The following TTC7A variants were observed in gnomAD, a reference collection of about 807,000 sequenced individuals.
TTC7A encodes the protein tetratricopeptide repeat domain 7A.
Under a neutral mutation model 103.7 loss-of-function variants are expected in TTC7A, and 110 were observed. That is an observed-to-expected ratio of 1.06 (90% CI 0.91 to 1.24). The LOEUF is 1.24. Among genes scored for constraint, TTC7A ranks in the 50% most tolerant of loss-of-function variants. The pLI, the probability that TTC7A is intolerant of heterozygous loss-of-function variation, is 0.00. For missense variants in TTC7A, 1,340 were observed against 1,116.3 expected, an observed-to-expected ratio of 1.20 and a Z score of -2.86; for synonymous variants, 521 against 467.9, an observed-to-expected ratio of 1.11 and a Z score of -1.47.
intron 18 of TTC7A, chr2:47,053,948 A>G (rs1436394699): frequency 5.6e-6 from 1 of 177,760 alleles, no homozygotes; most frequent in Non-Finnish European, 1.1e-5. Context: ...GCTTTATACT[A>G]GGGATGTTAG....
intron 11 of TTC7A, among the ~76,000 whole-genome samples, chr2:47,015,824 A>G (rs1678592126): frequency 6.6e-6 from 1 of 152,188 alleles, no homozygotes; most frequent in Non-Finnish European, 1.5e-5. Context: ...GGGAGAAAGA[A>G]TGCCAGCCCT....
intron 3 of TTC7A, among the ~76,000 whole-genome samples, chr2:46,973,364 G>A (rs1673542766): frequency 6.6e-6 from 1 of 152,224 alleles, no homozygotes; most frequent in Admixed American, 6.5e-5. Flanking sequence ...AAAGTAGAGT[G>A]GCAGAAGAGG....
chr2:46,963,177 G>T (rs974928628), intron 3 of TTC7A, among the ~76,000 whole-genome samples: 1 of 152,202 alleles, frequency 6.6e-6, no homozygotes, highest in African/African-American at 2.4e-5. Context: ...AATAGAATCT[G>T]GTCCCCCTGT....
intron 3 of TTC7A, among the ~76,000 whole-genome samples, chr2:46,965,096 C>T (rs1412255841): frequency 2.6e-5 from 4 of 152,204 alleles, no homozygotes; most frequent in Non-Finnish European, 1.5e-5. Flanking sequence ...GAAATGCCCT[C>T]AGCAGCCAGA....
At chr2:47,023,050 C>T (rs996305127) in intron 12 of TTC7A, among the ~76,000 whole-genome samples, 1 of 152,216 alleles carries the variant, frequency 6.6e-6, no homozygotes, top group Admixed American at 6.5e-5. Flanking sequence ...GTTCAAACTT[C>T]CTAGTGGGTC....
At chr2:46,942,572 G>T (rs72886689) in intron 1 of TTC7A, among the ~76,000 whole-genome samples, 12,061 of 152,208 alleles carry the variant, frequency 0.079, 850 homozygotes, top group African/African-American at 0.19. Context: ...CGCTTACTTC[G>T]TGCTTCCTGT....
intron 10 of TTC7A, among the ~76,000 whole-genome samples, chr2:47,009,149 G>A (rs1446001762): frequency 1.3e-5 from 2 of 152,130 alleles, no homozygotes; most frequent in African/African-American, 4.8e-5. Context: ...TGTTCCCAGG[G>A]CAGGGCCTCA....
intron 15 of TTC7A, among the ~76,000 whole-genome samples, chr2:47,036,872 T>A (rs1681167764): frequency 6.6e-6 from 1 of 152,146 alleles, no homozygotes; most frequent in Non-Finnish European, 1.5e-5. Context: ...CCTGAGCATG[T>A]GTTGGATTTA....
chr2:47,060,884 G>C lies in TTC7A; in HGVS notation c.2268G>C (p.Glu756Asp). The C allele has an allele frequency of 1.2e-6, 2 of 1,614,204 alleles. No individual in the cohort carries two copies. The highest frequency in any genetic ancestry group is 8.5e-7 in the Non-Finnish European group (1 of 1,180,020). The change falls in exon 19 of 20, where the codon GAG becomes GAC. Residue 756 changes from glutamate to aspartate, a missense_variant. Glu to Asp is a conservative substitution (Grantham distance 45). Transcript: ENST00000319190. ...TCTATATGCGGGGCCGGCTGGCTGA[G>C]GTGAAGGGCAACCTGGAGGAGGCCA... ...SVLYMRGRLA[E>D]VKGNLEEAKQ...
At chr2:46,945,717 C>A (rs1441872556) in intron 1 of TTC7A, among the ~76,000 whole-genome samples, 1 of 149,362 alleles carries the variant, frequency 6.7e-6, no homozygotes, top group Non-Finnish European at 1.5e-5. Context: ...TCTGTAGTCA[C>A]CCTCCCCGCC....
rs545019572 is a variant in TTC7A at position 47,073,990 on chromosome 2, G to A, written c.*67G>A. ...GAGGCAGCAGGGAACGTGGGTCAGG[G>A]TGGGGCAACAGTGGCATCAGGTGCG... On this transcript the variant is annotated 3_prime_UTR_variant, in exon 20 of 20. Coordinates refer to ENST00000319190, the MANE Select transcript of TTC7A (RefSeq NM_020458.4). 5.2e-5 allele frequency: 71 copies of A among 1,354,962 alleles called. No homozygotes were observed. The Middle Eastern group carries it at 7.6e-4, about 15-fold the overall frequency. The allele number at this position is 1,354,962 out of a possible 1,614,324, so 83.9% of individuals were successfully genotyped here.
chr2:46,946,788 CT>C (rs1192496409), intron 1 of TTC7A, among the ~76,000 whole-genome samples: 1 of 142,850 alleles, frequency 7.0e-6, no homozygotes, highest in African/African-American at 3.1e-5. Context: ...GTTCCATAGA[CT>C]GAACAGTTGA....
chr2:46,921,930 C>T (rs974359706), intron 2 of TTC7A, among the ~76,000 whole-genome samples: 2 of 152,212 alleles, frequency 1.3e-5, no homozygotes, highest in Non-Finnish European at 2.9e-5. Flanking sequence ...CCAGTGCTCA[C>T]TTCCTGCTGT....
chr2:47,029,280 C>A lies in TTC7A; in HGVS notation c.1698C>A (p.Ala566=), dbSNP rs780393723. The change falls in exon 15 of 20, where the codon GCC becomes GCA. Residue 566 remains alanine, a synonymous_variant. Transcript: ENST00000319190. ...QEALKVRKDD[A]HALHLLALLF... ...CCCTGAAGGTACGCAAGGATGATGC[C>A]CACGCCCTCCACCTGCTGGCACTGC... 2 of 1,614,030 alleles carry A rather than the reference C, an allele frequency of 1.2e-6. No individual in the cohort carries two copies. The highest frequency in any genetic ancestry group is 4.5e-5 in the East Asian group (2 of 44,880).
Position 47,005,902 on chromosome 2 carries a change from A to G in TTC7A, c.1066-20A>G. 6.2e-7 allele frequency: 1 copy of G among 1,613,772 alleles called. No individual in the cohort carries two copies. The highest frequency in any genetic ancestry group is 8.5e-7 in the Non-Finnish European group (1 of 1,179,962). Reference sequence around the variant, plus strand: ...TTATCTACTCTCCTCACTCTTTCCCAAACAATGTCCCACCCACAGGCAACT... The same window carrying G: ...TTATCTACTCTCCTCACTCTTTCCCGAACAATGTCCCACCCACAGGCAACT... On this transcript the variant is annotated intron_variant, in intron 8 of 19. Coordinates refer to ENST00000319190, the MANE Select transcript of TTC7A (RefSeq NM_020458.4).
intron 2 of TTC7A, among the ~76,000 whole-genome samples, chr2:46,918,709 G>A (rs1309492185): frequency 6.6e-6 from 1 of 152,188 alleles, no homozygotes; most frequent in Non-Finnish European, 1.5e-5. Flanking sequence ...CTTGGATATA[G>A]GCCACATGCC....
upstream of TTC7A, chr2:46,916,062 C>G (rs540276954): frequency 2.0e-6 from 2 of 985,340 alleles, no homozygotes; most frequent in Admixed American, 1.2e-4. Context: ...CTAGGCAACG[C>G]CGGAAGCCCT....
At chr2:46,923,046 G>C (rs939322007) in intron 2 of TTC7A, among the ~76,000 whole-genome samples, 1 of 152,180 alleles carries the variant, frequency 6.6e-6, no homozygotes, top group African/African-American at 2.4e-5. Flanking sequence ...ATAGGGTGAG[G>C]TCTGGAAGGG....
chr2:46,958,702 C>T (rs1453697771), intron 3 of TTC7A: 18 of 457,124 alleles, frequency 3.9e-5, no homozygotes, highest in South Asian at 5.9e-5. Flanking sequence ...GCCTGCTGCC[C>T]GGCATGCTGA....
Sources: gnomAD v4.1 joint callset for allele counts (sites outside exome capture counted in the v4.1 genomes callset) on GRCh38, gnomAD v4.1.1 for gene constraint, MANE v1.5 for transcripts, NCBI Gene and HGNC (gene_info 2026-07-23, HGNC 2026-07-21) for gene names.